Variants in CEP85L observed in about 807,000 individuals in gnomAD.
The protein encoded by CEP85L is centrosomal protein 85L.
Under a neutral mutation model 100.3 loss-of-function variants are expected in CEP85L, and 60 were observed. The observed-to-expected ratio is 0.60, with a 90% confidence interval of 0.49 to 0.74. The LOEUF is 0.74. Ranked by LOEUF, CEP85L falls within the 30% of genes least tolerant of loss-of-function variation. The pLI is 0.00. For missense variants in CEP85L, 973 were observed against 936.2 expected (o/e 1.04, Z -0.51); for synonymous variants, 319 against 322.7 (o/e 0.99, Z 0.12).
At chr6:118,564,571 G>C (rs1029821067) in intron 3 of CEP85L, among the ~76,000 whole-genome samples, 1 of 152,142 alleles carries the variant, frequency 6.6e-6, no homozygotes, top group Admixed American at 6.5e-5. Context: ...TATGAATGTA[G>C]TATGTTAGGG....
chr6:118,627,530 T>A (rs993424198), intron 2 of CEP85L, among the ~76,000 whole-genome samples: 4 of 152,220 alleles, frequency 2.6e-5, no homozygotes, highest in Admixed American at 2.6e-4. Flanking sequence ...AGCTTGAAAC[T>A]TGTGTGGGAC....
rs1780955526 is a variant in CEP85L, at chr6:118,587,798, G to A, written c.233-21482C>T. ...TTTGTCAGGTGGACCCTTTTCACTT[G>A]GCATGTCAAATTCCAAATGACATCG... On this transcript the variant is annotated intron_variant, in intron 2 of 12. Coordinates refer to ENST00000368491, the MANE Select transcript of CEP85L (RefSeq NM_001042475.3). Among the ~76,000 whole-genome samples the A allele has an allele frequency of 2.6e-5, 4 of 152,090 alleles. No individual in the cohort carries two copies. The South Asian group carries it at 8.3e-4, about 32-fold the overall frequency.
intron 1 of CEP85L, 44 bp from the exon 2 acceptor site, chr6:118,632,655 G>A (rs1218192218): frequency 1.4e-5 from 22 of 1,521,632 alleles, no homozygotes; most frequent in Non-Finnish European, 1.8e-5. Context: ...TATCTGAGTA[G>A]GCAGAAGATT....
chr6:118,478,670 T>A (rs575054374), intron 10 of CEP85L, among the ~76,000 whole-genome samples: 1 of 152,182 alleles, frequency 6.6e-6, no homozygotes, highest in Non-Finnish European at 1.5e-5. Flanking sequence ...ATAGTTTGAA[T>A]AAAAGATTTG....
intron 3 of CEP85L, among the ~76,000 whole-genome samples, chr6:118,550,489 A>G (rs992204216): frequency 2.6e-5 from 4 of 151,868 alleles, no homozygotes; most frequent in Admixed American, 6.6e-5. Context: ...TTTTATTCTT[A>G]AAGAGCAATT....
chr6:118,593,010 TTAAGA>T (rs1052782144), intron 2 of CEP85L, among the ~76,000 whole-genome samples: 2 of 152,142 alleles, frequency 1.3e-5, no homozygotes, highest in Admixed American at 1.3e-4. Context: ...ATATTTTACA[TTAAGA>T]TGAGTTGTTT....
chr6:118,491,255 A>G (rs1460382041), intron 6 of CEP85L, among the ~76,000 whole-genome samples: 1 of 149,984 alleles, frequency 6.7e-6, no homozygotes, highest in African/African-American at 2.5e-5. Context: ...ATGCATATCT[A>G]GTGTTCCTGT....
chr6:118,643,951 C>G (rs866779080), intron 1 of CEP85L, among the ~76,000 whole-genome samples: 33 of 152,298 alleles, frequency 2.2e-4, no homozygotes, highest in African/African-American at 7.5e-4. Context: ...TGACACACAA[C>G]CCCTAGTTTT....
chr6:118,513,851 G>A (rs1007494091), intron 4 of CEP85L, among the ~76,000 whole-genome samples: 1 of 151,806 alleles, frequency 6.6e-6, no homozygotes, highest in Non-Finnish European at 1.5e-5. Context: ...ATAAACACAT[G>A]GGCAAATAAA....
At chr6:118,557,123 TTAAGA>T (rs968552361) in intron 3 of CEP85L, among the ~76,000 whole-genome samples, 4 of 152,298 alleles carry the variant, frequency 2.6e-5, no homozygotes, top group Non-Finnish European at 4.4e-5. Flanking sequence ...AAAATGTTAC[TTAAGA>T]TAACATTCTA....
At chr6:118,575,032 C>G (rs762892236) in intron 2 of CEP85L, among the ~76,000 whole-genome samples, 18 of 152,052 alleles carry the variant, frequency 1.2e-4, no homozygotes, top group Non-Finnish European at 1.6e-4. Context: ...CTCTAGTAAA[C>G]AGAGGTTGAG....
At chr6:118,512,559 G>C (rs1464413990) in intron 4 of CEP85L, among the ~76,000 whole-genome samples, 1 of 152,072 alleles carries the variant, frequency 6.6e-6, no homozygotes, top group Non-Finnish European at 1.5e-5. Flanking sequence ...GAATGTTACT[G>C]GCATCTAGTG....
chr6:118,539,202 C>T (rs1777769204), intron 3 of CEP85L, among the ~76,000 whole-genome samples: 1 of 152,160 alleles, frequency 6.6e-6, no homozygotes, highest in Non-Finnish European at 1.5e-5. Flanking sequence ...GATAGTCATG[C>T]ACTGCATAAT....
intron 1 of CEP85L, among the ~76,000 whole-genome samples, chr6:118,658,899 C>CT (rs977145592): frequency 2.6e-5 from 4 of 152,044 alleles, no homozygotes; most frequent in African/African-American, 9.7e-5. Context: ...TAAAATTGGT[C>CT]TTTTTTCCTC....
intron 2 of CEP85L, among the ~76,000 whole-genome samples, chr6:118,579,804 A>C (rs1304456844): frequency 6.6e-6 from 1 of 152,214 alleles, no homozygotes; most frequent in East Asian, 1.9e-4. Context: ...CTCCAGATAC[A>C]TTTCTTGCAT....
At chr6:118,538,108 C>T in intron 3 of CEP85L, 1 of 251,044 alleles carries the variant, frequency 4.0e-6, no homozygotes, top group Non-Finnish European at 6.3e-6. Context: ...TTAACTAAGC[C>T]CATGTAATTA....
At chr6:118,696,560 C>T (rs1777218670) in intron 1 of CEP85L, among the ~76,000 whole-genome samples, 1 of 152,166 alleles carries the variant, frequency 6.6e-6, no homozygotes, top group African/African-American at 2.4e-5. Flanking sequence ...ATCCAAGTTG[C>T]TGTAGACACT....
At chr6:118,527,117 C>T (rs1777021624) in intron 3 of CEP85L, among the ~76,000 whole-genome samples, 1 of 148,134 alleles carries the variant, frequency 6.8e-6, no homozygotes, top group African/African-American at 2.5e-5. Flanking sequence ...TGGGTTCAAG[C>T]GATTCTCCTG....
At chr6:118,709,566 A>T (rs1273422861) in intron 1 of CEP85L, among the ~76,000 whole-genome samples, 106 of 20,572 alleles carry the variant, frequency 5.2e-3, no homozygotes, top group African/African-American at 9.6e-3. Flanking sequence ...TGAGAGAGAG[A>T]GAGAGAGAGA....
Sources: allele counts gnomAD v4.1 joint callset (sites outside exome capture counted in the v4.1 genomes callset), GRCh38; gene constraint gnomAD v4.1.1; transcripts MANE v1.5; gene names NCBI Gene and HGNC (gene_info 2026-07-23, HGNC 2026-07-21).